ADAMTS19: variants seen among roughly 807,000 people sequenced by gnomAD.
ADAMTS19 encodes the protein A disintegrin and metalloproteinase with thrombospondin motifs 19.
A neutral mutation model predicts 153.3 loss-of-function variants in ADAMTS19; 93 were observed. The ratio of observed to expected loss-of-function variants is 0.61; its 90% CI spans 0.51 to 0.72. The LOEUF (loss-of-function observed/expected upper bound fraction) is 0.72. Among genes scored for constraint, ADAMTS19 ranks in the 30% least tolerant of loss-of-function variants. ADAMTS19 has a pLI of 0.00. For missense variants in ADAMTS19, 1,482 were observed against 1,552.1 expected, an observed-to-expected ratio of 0.95 and a Z score of 0.76; for synonymous variants, 600 against 556.6, an observed-to-expected ratio of 1.08 and a Z score of -1.10.
chr5:129,658,160 C>A (rs569283705), intron 14 of ADAMTS19, among the ~76,000 whole-genome samples: 4 of 152,022 alleles, frequency 2.6e-5, no homozygotes, highest in Non-Finnish European at 2.9e-5. Flanking sequence ...GTGACGCATG[C>A]CTATAGTCCC....
chr5:129,641,806 C>A, intron 10 of ADAMTS19, 53 bp from the exon 11 acceptor site: 2 of 1,221,004 alleles, frequency 1.6e-6, no homozygotes, highest in Non-Finnish European at 2.3e-6. Context: ...ATTGGCTTCA[C>A]TTAAAAAAAT....
intron 3 of ADAMTS19, among the ~76,000 whole-genome samples, chr5:129,524,386 A>T (rs1270231921): frequency 6.6e-6 from 1 of 152,194 alleles, no homozygotes; most frequent in Admixed American, 6.5e-5. Context: ...CATTCAGGAC[A>T]TAGGCATGGG....
chr5:129,512,491 TAAA>T (rs933021240), intron 3 of ADAMTS19, among the ~76,000 whole-genome samples: 2 of 151,796 alleles, frequency 1.3e-5, no homozygotes, highest in African/African-American at 4.9e-5. Flanking sequence ...TTGTACATAA[TAAA>T]AACATCAAAG....
chr5:129,717,504 C>T (rs1469159854), intron 21 of ADAMTS19, among the ~76,000 whole-genome samples: 3 of 152,166 alleles, frequency 2.0e-5, no homozygotes, highest in Non-Finnish European at 4.4e-5. Flanking sequence ...TATCGTAACT[C>T]AAACTATTTG....
intron 17 of ADAMTS19, among the ~76,000 whole-genome samples, chr5:129,682,399 T>C (rs30642): frequency 0.15 from 22,377 of 152,188 alleles, 1,816 homozygotes; most frequent in East Asian, 0.3. Context: ...ACTGCCAAAT[T>C]CAAATGGTTT....
At chr5:129,521,617 A>G (rs1003615609) in intron 3 of ADAMTS19, among the ~76,000 whole-genome samples, 2 of 152,186 alleles carry the variant, frequency 1.3e-5, no homozygotes, top group Non-Finnish European at 2.9e-5. Flanking sequence ...TTATCTTCCA[A>G]TGTCCACCTA....
At chr5:129,622,126 G>C (rs965862164) in intron 9 of ADAMTS19, 72 bp from the exon 10 acceptor site, 2 of 1,490,158 alleles carry the variant, frequency 1.3e-6, no homozygotes, top group African/African-American at 1.4e-5. Context: ...AGTGTTTCTT[G>C]TTGTATGCTA....
chr5:129,556,607 A>G (rs1753319224), intron 7 of ADAMTS19, among the ~76,000 whole-genome samples: 1 of 152,170 alleles, frequency 6.6e-6, no homozygotes, highest in South Asian at 2.1e-4. Context: ...TAGGGAGATT[A>G]TCCTGTATTA....
chr5:129,694,290 A>G (rs1755461204), intron 18 of ADAMTS19, among the ~76,000 whole-genome samples: 1 of 152,184 alleles, frequency 6.6e-6, no homozygotes, highest in Non-Finnish European at 1.5e-5. Context: ...TTTGTTTAAA[A>G]TATCTTTGAA....
chr5:129,656,254 T>C (rs1167472512), intron 14 of ADAMTS19, among the ~76,000 whole-genome samples: 1 of 152,224 alleles, frequency 6.6e-6, no homozygotes, highest in Admixed American at 6.5e-5. Context: ...TTGTGGCTTA[T>C]AATGGCATTA....
intron 2 of ADAMTS19, among the ~76,000 whole-genome samples, chr5:129,508,847 C>A (rs1217089896): frequency 6.6e-6 from 1 of 151,894 alleles, no homozygotes; most frequent in East Asian, 1.9e-4. Flanking sequence ...AGCCTCCCAC[C>A]CACACGGATT....
At chr5:129,570,017 A>G (rs1005702364) in intron 7 of ADAMTS19, among the ~76,000 whole-genome samples, 7 of 151,998 alleles carry the variant, frequency 4.6e-5, no homozygotes, top group African/African-American at 9.7e-5. Flanking sequence ...TCTTCGGATA[A>G]TTCTCCTATT....
intron 14 of ADAMTS19, among the ~76,000 whole-genome samples, chr5:129,655,376 G>A (rs1753501888): frequency 6.6e-6 from 1 of 152,178 alleles, no homozygotes; most frequent in Non-Finnish European, 1.5e-5. Flanking sequence ...CCTTAGTCTA[G>A]ATAGTTTCTG....
At chr5:129,608,010 ATATT>A (rs1234624966) in intron 8 of ADAMTS19, among the ~76,000 whole-genome samples, 2 of 146,482 alleles carry the variant, frequency 1.4e-5, no homozygotes, top group African/African-American at 5.1e-5. Flanking sequence ...ATATAATGGA[ATATT>A]TATTATATAT....
chr5:129,564,906 G>A (rs545006693), intron 7 of ADAMTS19, among the ~76,000 whole-genome samples: 7 of 152,134 alleles, frequency 4.6e-5, no homozygotes, highest in South Asian at 2.1e-4. Context: ...AGGCCTGTGA[G>A]GTTTATTTAT....
chr5:129,525,448 A>G (rs1297892149), intron 3 of ADAMTS19, among the ~76,000 whole-genome samples: 1 of 152,038 alleles, frequency 6.6e-6, no homozygotes, highest in East Asian at 1.9e-4. Flanking sequence ...TAGATATCCT[A>G]TTGTGAGAAA....
At chr5:129,620,226 A>G (rs1311556138) in intron 8 of ADAMTS19, among the ~76,000 whole-genome samples, 1 of 152,026 alleles carries the variant, frequency 6.6e-6, no homozygotes, top group Non-Finnish European at 1.5e-5. Flanking sequence ...GTTTGTTTTC[A>G]AATCAAATTT....
chr5:129,701,317 G>A, intron 19 of ADAMTS19, 71 bp from the exon 20 acceptor site: 1 of 1,531,508 alleles, frequency 6.5e-7, no homozygotes, highest in Admixed American at 1.7e-5. Context: ...TATTAGCAGT[G>A]TGAGAACAGA....
chr5:129,672,455 A>G (rs1035121487), intron 16 of ADAMTS19, among the ~76,000 whole-genome samples: 1 of 152,200 alleles, frequency 6.6e-6, no homozygotes, highest in Non-Finnish European at 1.5e-5. Flanking sequence ...GATTCTGGTA[A>G]GCAGGTGTAG....
Sources: allele counts gnomAD v4.1 joint callset (sites outside exome capture counted in the v4.1 genomes callset), GRCh38; gene constraint gnomAD v4.1.1; transcripts MANE v1.5; gene names NCBI Gene and HGNC (gene_info 2026-07-23, HGNC 2026-07-21).